Variants in MX1 observed in about 807,000 individuals in gnomAD.
MX1 encodes the protein interferon-induced GTP-binding protein Mx1.
Under a neutral mutation model 66.4 loss-of-function variants are expected in MX1, and 66 were observed. That is an observed-to-expected ratio of 0.99 (90% CI 0.82 to 1.22). MX1 has a LOEUF of 1.22. Among genes scored for constraint, MX1 ranks in the 50% most tolerant of loss-of-function variants. MX1 has a pLI of 0.00. For synonymous variants in MX1, 311 were observed against 318.1 expected (o/e 0.98, Z 0.24); for missense variants, 787 against 834.3 (o/e 0.94, Z 0.70).
Position 41,458,684 on chromosome 21 carries a change from A to C in MX1, c.1915A>C (p.Lys639Gln). Reference protein sequence around the residue: ...LLKERSDTSDKRKFLKERLAR... With the variant: ...LLKERSDTSDQRKFLKERLAR... ...GAAGGAGCGGAGCGACACCAGCGAC[A>C]AGCGGAAGTTCCTGAAGGAGCGGCT... Residue 639 changes from lysine (K) to glutamine (Q), a missense_variant, in exon 17 of 17, where the codon AAG (lysine) becomes CAG (glutamine). Coordinates refer to ENST00000398598, the MANE Select transcript of MX1 (RefSeq NM_002462.5). 6.2e-7 allele frequency: 1 copy of C among 1,614,240 alleles called. No individual in the cohort carries two copies. The highest frequency in any genetic ancestry group is 8.5e-7 in the Non-Finnish European group (1 of 1,180,048).
chr21:41,446,543 T>A (rs1387512611), intron 13 of MX1, among the ~76,000 whole-genome samples: 1 of 152,232 alleles, frequency 6.6e-6, no homozygotes, highest in Non-Finnish European at 1.5e-5. Context: ...CTAAAAAATA[T>A]GTATGTACCT....
Position 41,441,830 on chromosome 21 carries a change from G to T in MX1, c.845G>T (p.Gly282Val). ...KKGYMIVKCR[G>V]QQEIQDQLSL... Reference sequence around the variant, plus strand: ...GGTTACATGATTGTCAAGTGCCGGGGCCAGCAGGAGATCCAGGACCAGCTG... The same window carrying T: ...GGTTACATGATTGTCAAGTGCCGGGTCCAGCAGGAGATCCAGGACCAGCTG... The change falls in exon 10 of 17, where the codon GGC becomes GTC. Residue 282 changes from glycine to valine, a missense_variant. Coordinates refer to ENST00000398598, the MANE Select transcript of MX1 (RefSeq NM_002462.5). This position sits in a 1 kb window ranked among gnomAD's most constrained non-coding sequence, Gnocchi z 4.0. 1 of 1,614,204 alleles carries T rather than the reference G, an allele frequency of 6.2e-7. No homozygotes were observed. The highest frequency in any genetic ancestry group is 8.5e-7 in the Non-Finnish European group (1 of 1,180,048).
rs201266256 is a variant in MX1 at position 41,458,807 on chromosome 21, G to A, written c.*49G>A. The A allele has an allele frequency of 2.7e-4, 423 of 1,573,312 alleles. No homozygotes were observed. Among genetic ancestry groups the A allele is most frequent in the Non-Finnish European group, 2.3e-4 (269 of 1,162,220 alleles). On this transcript the variant is annotated 3_prime_UTR_variant, in exon 17 of 17. Coordinates refer to ENST00000398598, the MANE Select transcript of MX1 (RefSeq NM_002462.5). ...ACGTGCACGCACACTGTCTGCCCCC[G>A]TTCCCGGGTAGCCACTGGACTGACG...
chr21:41,444,176 A>G (rs913174089), intron 11 of MX1, among the ~76,000 whole-genome samples: 4 of 152,118 alleles, frequency 2.6e-5, no homozygotes, highest in African/African-American at 9.7e-5. Flanking sequence ...ATTGACAACC[A>G]CTATTATAAT....
At chr21:41,457,189 C>T (rs1214486497) in intron 16 of MX1, among the ~76,000 whole-genome samples, 6 of 152,170 alleles carry the variant, frequency 3.9e-5, no homozygotes, top group African/African-American at 1.4e-4. Context: ...TCTTGCTCAG[C>T]AAACAGTTCA....
chr21:41,458,662 G>A lies in MX1; in HGVS notation c.1893G>A (p.Lys631=). ...QDKDTYSWLL[K]ERSDTSDKRK... is the part of the protein sequence containing the mutation. The stretch of plus-strand genomic sequence containing the variant: ...AGGACACCTACAGCTGGCTCCTGAA[G>A]GAGCGGAGCGACACCAGCGACAAGC... Residue 631 remains lysine, a synonymous_variant, in exon 17 of 17, where the codon AAG becomes AAA. Transcript: ENST00000398598. 6.2e-7 allele frequency: 1 copy of A among 1,614,238 alleles called. No homozygotes were observed. The highest frequency in any genetic ancestry group is 8.5e-7 in the Non-Finnish European group (1 of 1,180,052).
At position 41,441,557 on chromosome 21, in the gene MX1, G is replaced by A; in HGVS notation, c.731-159G>A. 1 of 712,092 alleles carries A rather than the reference G, an allele frequency of 1.4e-6. No homozygotes were observed. Among genetic ancestry groups the A allele is most frequent in the East Asian group, 2.6e-5 (1 of 38,502 alleles). The allele number at this position is 712,092 out of a possible 1,614,324, so 44.1% of individuals were successfully genotyped here. ...CGGCTTGTCGTGGAGTTCTTTTCTG[G>A]AGCGGGGCTCCACTGCCCCCATGGT... On this transcript the variant is annotated intron_variant, in intron 9 of 16. Coordinates refer to ENST00000398598, the MANE Select transcript of MX1 (RefSeq NM_002462.5). The surrounding 1 kb of genome is among the most constrained non-coding windows in gnomAD (Gnocchi z 4.0).
chr21:41,422,950 C>G (rs147778682), upstream of MX1: 1 of 152,190 alleles, frequency 6.6e-6, no homozygotes, highest in African/African-American at 2.4e-5. Context: ...CTGATGTTAC[C>G]GAGCGGTCCT....
At chr21:41,424,390 A>G (rs1345325520), upstream of MX1, among the ~76,000 whole-genome samples, 1 of 151,940 alleles carries the variant, frequency 6.6e-6, no homozygotes, top group Non-Finnish European at 1.5e-5. Context: ...AATAGATTTC[A>G]GCACAGGGAG....
intron 5 of MX1, among the ~76,000 whole-genome samples, chr21:41,432,606 C>A (rs1336839053): frequency 1.3e-5 from 2 of 152,158 alleles, no homozygotes; most frequent in Non-Finnish European, 2.9e-5. Flanking sequence ...TGGTGGGAAC[C>A]AATCATGGCC....
At chr21:41,442,020 T>C in intron 10 of MX1, 106 bp downstream of exon 10, 1 of 1,029,854 alleles carries the variant, frequency 9.7e-7, no homozygotes, top group Non-Finnish European at 1.5e-6. Context: ...TGTGTGTGTG[T>C]GTGTGCGTGT....
Position 41,451,164 on chromosome 21 carries a change from T to G in MX1, c.1433-3T>G. 6.2e-7 allele frequency: 1 copy of G among 1,602,064 alleles called. No homozygotes were observed. The highest frequency in any genetic ancestry group is 8.5e-7 in the Non-Finnish European group (1 of 1,170,512). On this transcript the variant is annotated splice_polypyrimidine_tract_variant and splice_region_variant and intron_variant, in intron 14 of 16. Coordinates refer to ENST00000398598, the MANE Select transcript of MX1 (RefSeq NM_002462.5). ...ATTGAACTATTTTTCTCTCTTTGAT[T>G]AGATATGGTCCGGCTTGCTTTCACA... is the stretch of plus-strand genomic sequence containing the variant.
Position 41,459,124 on chromosome 21 carries a change from A to C in MX1, c.*366A>C. On this transcript the variant is annotated 3_prime_UTR_variant, in exon 17 of 17. Coordinates refer to ENST00000398598, the MANE Select transcript of MX1 (RefSeq NM_002462.5). ...TCATTTTTATAATGTCCCTTCACAA[A>C]CCCAGTGTTTTAGGAGCATGAGTGC... 3 of 294,596 alleles carry C rather than the reference A, an allele frequency of 1.0e-5. No individual in the cohort carries two copies. Among genetic ancestry groups the C allele is most frequent in the East Asian group, 7.2e-5 (1 of 13,968 alleles). The allele number at this position is 294,596 out of a possible 1,614,324, so 18.2% of individuals were successfully genotyped here.
Position 41,452,768 on chromosome 21 carries a change from G to A in MX1, c.1657G>A (p.Glu553Lys). ...QKVREKELEEEKKKKSWDFGA... is the reference protein window; with the variant it reads ...QKVREKELEEKKKKKSWDFGA... The stretch of plus-strand genomic sequence containing the variant: ...GGTCAGAGAGAAGGAGCTGGAAGAA[G>A]AAAAGAAGAAGAAATCCTGGGATTT... Residue 553 changes from glutamate to lysine, a missense_variant, in exon 16 of 17, where the codon GAA (glutamate) becomes AAA (lysine). By Grantham distance (56) the Glu-to-Lys change is moderately conservative. Transcript: ENST00000398598. The A allele has an allele frequency of 6.2e-7, 1 of 1,614,164 alleles. No homozygotes were observed. Among genetic ancestry groups the A allele is most frequent in the Non-Finnish European group, 8.5e-7 (1 of 1,180,026 alleles).
intron 16 of MX1, among the ~76,000 whole-genome samples, chr21:41,454,171 A>G (rs62217504): frequency 0.21 from 31,819 of 152,184 alleles, 3,975 homozygotes; most frequent in Middle Eastern, 0.38. Context: ...ATATGTCCAC[A>G]AAATATATTT....
chr21:41,442,856 G>A (rs8126555), intron 10 of MX1: 1 of 152,268 alleles, frequency 6.6e-6, no homozygotes, highest in Non-Finnish European at 1.5e-5. Context: ...GAACCCAGTC[G>A]TAAGAGGACG....
intron 14 of MX1, chr21:41,449,497 A>G (rs964561694): frequency 2.0e-6 from 1 of 495,326 alleles, no homozygotes; most frequent in African/African-American, 2.0e-5. Context: ...TGTGGACCCC[A>G]TAGCTTAAGG....
intron 3 of MX1, chr21:41,429,449 G>A (rs1397393933): frequency 6.6e-6 from 1 of 152,106 alleles, no homozygotes; most frequent in Non-Finnish European, 1.5e-5. Context: ...CTCCTTATCT[G>A]GCTGCAGAAA....
intron 15 of MX1, 46 bp downstream of exon 15, chr21:41,451,289 T>A (rs1401362453): frequency 1.5e-5 from 18 of 1,184,336 alleles, no homozygotes; most frequent in Non-Finnish European, 2.2e-5. Flanking sequence ...GAAAAGAAAT[T>A]AAGCTTGACA....
Sources: allele counts gnomAD v4.1 joint callset (sites outside exome capture counted in the v4.1 genomes callset), GRCh38; gene constraint gnomAD v4.1.1; non-coding constraint Gnocchi (gnomAD v3.1); transcripts MANE v1.5; gene names NCBI Gene and HGNC (gene_info 2026-07-23, HGNC 2026-07-21).